The following RBFOX1 variants were observed in gnomAD, a reference collection of about 807,000 sequenced individuals.
The protein encoded by RBFOX1 is RNA binding protein fox-1 homolog 1.
Under a neutral mutation model 57.7 loss-of-function variants are expected in RBFOX1, and 8 were observed. That is an observed-to-expected ratio of 0.14 (90% CI 0.08 to 0.25). The LOEUF (loss-of-function observed/expected upper bound fraction) is 0.25. Among genes scored for constraint, RBFOX1 ranks in the 10% least tolerant of loss-of-function variants. The probability of loss-of-function intolerance (pLI) is 1.00; values close to 1 mark genes in which losing one functional copy is unlikely to be tolerated. For synonymous variants in RBFOX1, 326 were observed against 222.4 expected, an observed-to-expected ratio of 1.47 and a Z score of -4.15; for missense variants, 611 against 548.5, an observed-to-expected ratio of 1.11 and a Z score of -1.14.
intron 3 of RBFOX1, among the ~76,000 whole-genome samples, chr16:5,858,652 C>T (rs2057131460): frequency 1.3e-5 from 2 of 152,198 alleles, no homozygotes; most frequent in South Asian, 2.1e-4. Flanking sequence ...TCATTCCTGA[C>T]AGTGAGAGTT....
At chr16:5,766,205 G>A (rs2151660323) in intron 3 of RBFOX1, among the ~76,000 whole-genome samples, 1 of 152,270 alleles carries the variant, frequency 6.6e-6, no homozygotes, top group Middle Eastern at 3.4e-3. Flanking sequence ...GCCATGATGT[G>A]GGGTCCAATC....
At chr16:6,043,810 G>C (rs2095468032) in intron 1 of RBFOX1, among the ~76,000 whole-genome samples, 1 of 152,192 alleles carries the variant, frequency 6.6e-6, no homozygotes, top group Non-Finnish European at 1.5e-5. Flanking sequence ...GGAGATTGGA[G>C]GGAGGTGGTT....
At chr16:6,475,049 C>G (rs117585926) in intron 2 of RBFOX1, among the ~76,000 whole-genome samples, 7 of 152,262 alleles carry the variant, frequency 4.6e-5, no homozygotes, top group Non-Finnish European at 7.3e-5. Flanking sequence ...AGTAACATCC[C>G]AATTGTGTGC....
At chr16:7,097,714 T>A (rs2061943731) in intron 4 of RBFOX1, among the ~76,000 whole-genome samples, 1 of 152,162 alleles carries the variant, frequency 6.6e-6, no homozygotes, top group African/African-American at 2.4e-5. Context: ...ACTTGCACAA[T>A]GATTCCTTCA....
At position 7,339,974 on chromosome 16, in the gene RBFOX1, G is replaced by A. The variant is rs371188104; in HGVS notation, c.28-178173G>A. ...AAAAGATGGTTCTTGGCAACTCCAA[G>A]CTTACATCTCATCTCCTTTTAGAAA... On this transcript the variant is annotated intron_variant, in intron 4 of 15. Coordinates refer to ENST00000550418, the MANE Select transcript of RBFOX1 (RefSeq NM_018723.4). Among the ~76,000 whole-genome samples the A allele has an allele frequency of 5.3e-5, 8 of 152,242 alleles. No individual in the cohort carries two copies. The South Asian group carries it at 6.2e-4, about 12-fold the overall frequency.
At chr16:5,705,429 T>C (rs961611284) in intron 3 of RBFOX1, among the ~76,000 whole-genome samples, 4 of 152,142 alleles carry the variant, frequency 2.6e-5, no homozygotes, top group Admixed American at 2.6e-4. Context: ...GTACAGATAA[T>C]TTTTTAATTT....
upstream of RBFOX1, among the ~76,000 whole-genome samples, chr16:6,017,321 A>G (rs1312155782): frequency 2.6e-5 from 4 of 152,208 alleles, no homozygotes. Context: ...TATTTCTTCT[A>G]TCATTATTGA....
Position 6,059,851 on chromosome 16 carries a change from T to C in RBFOX1, c.-127+39859T>C, listed in dbSNP as rs539988782. Among the ~76,000 whole-genome samples the C allele has an allele frequency of 5.3e-5, 8 of 152,260 alleles. No homozygotes were observed. The East Asian group carries it at 1.4e-3, about 26-fold the overall frequency. ...GAGCATTTAGCCATGATTCCAGGAA[T>C]AGAAAATGTATCCTGAGACCCATAA... is the stretch of plus-strand genomic sequence containing the variant. On this transcript the variant is annotated intron_variant, in intron 1 of 15. Transcript: ENST00000550418.
chr16:6,168,709 T>C (rs1250957849), intron 1 of RBFOX1, among the ~76,000 whole-genome samples: 1 of 152,166 alleles, frequency 6.6e-6, no homozygotes, highest in Non-Finnish European at 1.5e-5. Context: ...GGAAGGGGTC[T>C]TTTCTTTGCA....
intron 3 of RBFOX1, among the ~76,000 whole-genome samples, chr16:6,930,220 A>G (rs2076282239): frequency 6.6e-6 from 1 of 152,170 alleles, no homozygotes; most frequent in African/African-American, 2.4e-5. Flanking sequence ...AACTCCTAAA[A>G]CTCAACAACA....
At chr16:6,132,475 G>A (rs950494208) in intron 1 of RBFOX1, among the ~76,000 whole-genome samples, 5 of 152,130 alleles carry the variant, frequency 3.3e-5, no homozygotes, top group African/African-American at 4.8e-5. Context: ...TGTTTGTTGC[G>A]TTCATTTATC....
chr16:7,371,633 C>G (rs749636727), intron 4 of RBFOX1, among the ~76,000 whole-genome samples: 29 of 152,082 alleles, frequency 1.9e-4, no homozygotes, highest in Non-Finnish European at 3.2e-4. Flanking sequence ...GCCTATAATC[C>G]CAGCTACTCA....
At chr16:7,479,118 T>TG (rs1555499793) in intron 4 of RBFOX1, among the ~76,000 whole-genome samples, 3 of 149,342 alleles carry the variant, frequency 2.0e-5, no homozygotes, top group East Asian at 2.0e-4. Context: ...CAGTTTTGTT[T>TG]TTTTTTTTTT....
intron 3 of RBFOX1, among the ~76,000 whole-genome samples, chr16:5,792,025 C>A (rs984956754): frequency 6.6e-6 from 1 of 152,142 alleles, no homozygotes; most frequent in African/African-American, 2.4e-5. Flanking sequence ...TCCCCCGCAA[C>A]CCAGGCACCC....
intron 4 of RBFOX1, among the ~76,000 whole-genome samples, chr16:5,970,952 A>G (rs559702448): frequency 1.3e-5 from 2 of 152,364 alleles, no homozygotes; most frequent in East Asian, 1.9e-4. Flanking sequence ...AAACTGTTTT[A>G]TACCCAGATG....
At chr16:7,587,742 C>G (rs1302757504) in intron 7 of RBFOX1, among the ~76,000 whole-genome samples, 1 of 152,102 alleles carries the variant, frequency 6.6e-6, no homozygotes, top group Non-Finnish European at 1.5e-5. Context: ...TAATTTTATT[C>G]TTTAGTATGT....
chr16:7,210,434 C>T (rs935183578), intron 4 of RBFOX1, among the ~76,000 whole-genome samples: 2 of 152,112 alleles, frequency 1.3e-5, no homozygotes, highest in Admixed American at 1.3e-4. Context: ...AATTGCACTA[C>T]ACTCACCAAG....
chr16:5,672,129 T>G (rs2151419441), intron 3 of RBFOX1, among the ~76,000 whole-genome samples: 1 of 152,268 alleles, frequency 6.6e-6, no homozygotes, highest in South Asian at 2.1e-4. Flanking sequence ...AGTCATTCTC[T>G]CAGTCTGGGG....
intron 2 of RBFOX1, among the ~76,000 whole-genome samples, chr16:5,595,837 C>G (rs2047162223): frequency 6.6e-6 from 1 of 152,130 alleles, no homozygotes; most frequent in South Asian, 2.1e-4. Context: ...TCAGATAGCA[C>G]AGGGACTGCG....
Sources: allele counts gnomAD v4.1 joint callset (sites outside exome capture counted in the v4.1 genomes callset), GRCh38; gene constraint gnomAD v4.1.1; transcripts MANE v1.5; gene names NCBI Gene and HGNC (gene_info 2026-07-23, HGNC 2026-07-21).